TMEM62: variants seen among roughly 807,000 people sequenced by gnomAD.
TMEM62 encodes transmembrane protein 62.
TMEM62 carries 41 observed loss-of-function variants against 70.4 expected under a neutral mutation model. That is an observed-to-expected ratio of 0.58 (90% CI 0.45 to 0.76). The LOEUF (loss-of-function observed/expected upper bound fraction) is 0.76. Ranked by LOEUF, TMEM62 falls within the 30% of genes least tolerant of loss-of-function variation. TMEM62 has a pLI of 0.00. For missense variants in TMEM62, 688 were observed against 788.5 expected (o/e 0.87, Z 1.53); for synonymous variants, 268 against 291.0 (o/e 0.92, Z 0.80).
chr15:43,166,799 T>C (rs2039472861), intron 10 of TMEM62, among the ~76,000 whole-genome samples: 1 of 152,196 alleles, frequency 6.6e-6, no homozygotes, highest in Admixed American at 6.5e-5. Flanking sequence ...CCGCCCTTAA[T>C]CCATTCAACC....
At chr15:43,139,262 A>C (rs1486880832) in intron 4 of TMEM62, among the ~76,000 whole-genome samples, 1 of 152,204 alleles carries the variant, frequency 6.6e-6, no homozygotes, top group Non-Finnish European at 1.5e-5. Context: ...CCAGGAACTT[A>C]ATCAATAAGT....
At position 43,185,036 on chromosome 15, in the gene TMEM62, G is replaced by C. The variant is rs376675830; in HGVS notation, c.*450G>C. 232 of 247,386 alleles carry C rather than the reference G, an allele frequency of 9.4e-4. 1 individual carries two copies. The highest frequency in any genetic ancestry group is 5.0e-3 in the African/African-American group (216 of 43,592). The allele number at this position is 247,386 out of a possible 1,614,324, so 15.3% of individuals were successfully genotyped here. A position where few individuals can be genotyped will look rare whatever the true frequency, so the allele number is the denominator to read the frequency against. The stretch of plus-strand genomic sequence containing the variant: ...TCTGGGCCCGACCCTCACTACCCCT[G>C]AGATATTAGTTCCCAGGCCTGTTTT... On this transcript the variant is annotated 3_prime_UTR_variant, in exon 14 of 14. Transcript: ENST00000260403.
intron 4 of TMEM62, 195 bp from the exon 5 acceptor site, chr15:43,146,298 C>T: frequency 2.0e-6 from 1 of 488,020 alleles, no homozygotes; most frequent in Non-Finnish European, 3.6e-6. Flanking sequence ...AATGAGTTTG[C>T]ATGAGTCTTT....
intron 11 of TMEM62, among the ~76,000 whole-genome samples, chr15:43,173,396 T>C (rs1056638102): frequency 1.3e-5 from 2 of 152,192 alleles, no homozygotes; most frequent in Non-Finnish European, 2.9e-5. Context: ...CATAGATCAC[T>C]TCTGTATGCA....
chr15:43,171,002 G>A (rs2040127293), intron 11 of TMEM62, among the ~76,000 whole-genome samples: 1 of 152,180 alleles, frequency 6.6e-6, no homozygotes, highest in African/African-American at 2.4e-5. Flanking sequence ...GAAGATGCTT[G>A]AAAATTAAAT....
At chr15:43,167,186 C>T (rs1042130239) in intron 10 of TMEM62, among the ~76,000 whole-genome samples, 1 of 151,244 alleles carries the variant, frequency 6.6e-6, no homozygotes, top group African/African-American at 2.4e-5. Context: ...ACCTCCCTCC[C>T]GGACGGGTCG....
At chr15:43,143,287 C>G (rs1271684354) in intron 4 of TMEM62, among the ~76,000 whole-genome samples, 1 of 152,198 alleles carries the variant, frequency 6.6e-6, no homozygotes, top group African/African-American at 2.4e-5. Flanking sequence ...GTCTCAAACT[C>G]CTGACCTCAA....
intron 10 of TMEM62, among the ~76,000 whole-genome samples, chr15:43,161,491 T>A (rs948232826): frequency 1.2e-4 from 18 of 152,282 alleles, no homozygotes; most frequent in African/African-American, 4.3e-4. Context: ...TGTAGAAAAC[T>A]TGGAAAATTT....
Position 43,149,137 on chromosome 15 carries a change from G to C in TMEM62, c.852G>C (p.Trp284Cys). Reference protein sequence around the residue: ...QGTLELEVGDWKDNRRYRIFA... With the variant: ...QGTLELEVGDCKDNRRYRIFA... ...CTTTGGAACTTGAGGTGGGAGACTG[G>C]AAGGATAATAGGAGGTAAGGGAACC... is the stretch of plus-strand genomic sequence containing the variant. The change falls in exon 7 of 14, where the codon TGG (tryptophan) becomes TGC (cysteine). Residue 284 changes from tryptophan to cysteine, a missense_variant. Transcript: ENST00000260403. The C allele has an allele frequency of 6.2e-7, 1 of 1,614,094 alleles. No homozygotes were observed. The highest frequency in any genetic ancestry group is 8.5e-7 in the Non-Finnish European group (1 of 1,180,000).
At chr15:43,140,029 C>T (rs770713463) in intron 4 of TMEM62, among the ~76,000 whole-genome samples, 1 of 152,152 alleles carries the variant, frequency 6.6e-6, no homozygotes, top group Non-Finnish European at 1.5e-5. Context: ...CAATCCCTGG[C>T]TTCAAAGGAT....
rs1485131621 is a variant in TMEM62 at position 43,138,601 on chromosome 15, G to T, written c.458G>T (p.Ser153Ile). 1.3e-6 allele frequency: 2 copies of T among 1,599,998 alleles called. No homozygotes were observed. The highest frequency in any genetic ancestry group is 1.7e-6 in the Non-Finnish European group (2 of 1,170,618). Reference sequence around the variant, plus strand: ...GCATTCAATATTCCAAGTCTGGACAGCATCAAGAATTATTACAGGTACTGT... The same window carrying T: ...GCATTCAATATTCCAAGTCTGGACATCATCAAGAATTATTACAGGTACTGT... ...HDAFNIPSLD[S>I]IKNYYRKYSA... Residue 153 changes from serine (S) to isoleucine (I), a missense_variant, in exon 4 of 14, where the codon AGC becomes ATC. Coordinates refer to ENST00000260403, the MANE Select transcript of TMEM62 (RefSeq NM_024956.4).
intron 11 of TMEM62, among the ~76,000 whole-genome samples, chr15:43,177,843 T>C (rs556118249): frequency 8.8e-4 from 134 of 151,700 alleles, no homozygotes; most frequent in Middle Eastern, 3.4e-3. Context: ...CTCTGGGGAC[T>C]GTTGTGGGGT....
rs746523137 is a variant in TMEM62, at chr15:43,154,665, AT to A, written c.1023-3del. The stretch of plus-strand genomic sequence containing the variant: ...AACCATGTGTTTTATATATGCTCTC[AT>A]TTTAGAGTCTTGGCCTTTTCCTTAT... On this transcript the variant is annotated splice_polypyrimidine_tract_variant and splice_region_variant and intron_variant, in intron 8 of 13. Transcript: ENST00000260403. The A allele has an allele frequency of 3.1e-6, 5 of 1,596,854 alleles. No individual in the cohort carries two copies. Among genetic ancestry groups the A allele is most frequent in the Non-Finnish European group, 3.4e-6 (4 of 1,175,020 alleles).
intron 8 of TMEM62, among the ~76,000 whole-genome samples, chr15:43,154,008 A>C (rs1288795404): frequency 6.6e-6 from 1 of 152,244 alleles, no homozygotes; most frequent in Non-Finnish European, 1.5e-5. Context: ...CTAATTTATC[A>C]TATTACCAAG....
rs1456158848 is a variant in TMEM62, at chr15:43,167,178, C to T, written c.1297-2415C>T. Among the ~76,000 whole-genome samples the T allele has an allele frequency of 5.3e-5, 8 of 151,312 alleles. No individual in the cohort carries two copies. In the South Asian group the frequency reaches 8.3e-4, roughly 16 times the overall value. On this transcript the variant is annotated intron_variant, in intron 10 of 13. Transcript: ENST00000260403. ...CCAGGCGGGGGGCTGACCCCCCCAC[C>T]TCCCTCCCGGACGGGTCGGCTGGCC...
rs557305640 is a variant in TMEM62, at chr15:43,145,495, G to A, written c.477-998G>A. Among the ~76,000 whole-genome samples, 9 of 152,208 alleles carry A rather than the reference G, an allele frequency of 5.9e-5. No homozygotes were observed. In the South Asian group the frequency reaches 1.0e-3, roughly 18 times the overall value. On this transcript the variant is annotated intron_variant, in intron 4 of 13. Transcript: ENST00000260403. ...GCTGGGATTACAGGCGGGAGCCACC[G>A]CGCCTGGCCCTGAAATGGAAATTTA...
At chr15:43,135,767 C>A in intron 3 of TMEM62, 118 bp downstream of exon 3, 1 of 1,174,402 alleles carries the variant, frequency 8.5e-7, no homozygotes, top group Non-Finnish European at 1.1e-6. Flanking sequence ...TACTAAAGGT[C>A]ACATCTCTGA....
At chr15:43,140,401 C>G (rs1236571870) in intron 4 of TMEM62, among the ~76,000 whole-genome samples, 1 of 152,156 alleles carries the variant, frequency 6.6e-6, no homozygotes, top group Non-Finnish European at 1.5e-5. Context: ...CACTGAACCA[C>G]CAGCCAGCTG....
At chr15:43,165,426 G>A (rs1217720717) in intron 10 of TMEM62, among the ~76,000 whole-genome samples, 1 of 152,054 alleles carries the variant, frequency 6.6e-6, no homozygotes, top group Non-Finnish European at 1.5e-5. Context: ...TTATTGTAAT[G>A]TCTTCATTAA....
Sources: gnomAD v4.1 joint callset for allele counts (sites outside exome capture counted in the v4.1 genomes callset) on GRCh38, gnomAD v4.1.1 for gene constraint, MANE v1.5 for transcripts, NCBI Gene and HGNC (gene_info 2026-07-23, HGNC 2026-07-21) for gene names.